Variants in SCIN observed in about 807,000 individuals in gnomAD.
The protein encoded by SCIN is scinderin, also known as adseverin.
SCIN carries 91 observed loss-of-function variants against 91.8 expected under a neutral mutation model. The observed-to-expected ratio is 0.99, with a 90% CI of 0.84 to 1.18. The LOEUF is 1.18. Among genes scored for constraint, SCIN ranks in the 50% most tolerant of loss-of-function variants. The pLI is 0.00. For missense variants in SCIN, 1,087 were observed against 863.9 expected, an observed-to-expected ratio of 1.26 and a Z score of -3.24; for synonymous variants, 367 against 312.6, an observed-to-expected ratio of 1.17 and a Z score of -1.84.
chr7:12,581,295 A>G, intron 3 of SCIN, 74 bp downstream of exon 3: 2 of 1,410,328 alleles, frequency 1.4e-6, no homozygotes. Flanking sequence ...TGTACATGTC[A>G]TTGAAAAGAA....
chr7:12,603,028 G>T (rs1054218016), intron 3 of SCIN, among the ~76,000 whole-genome samples: 24 of 152,196 alleles, frequency 1.6e-4, no homozygotes, highest in African/African-American at 5.6e-4. Flanking sequence ...GCTCCAGCCA[G>T]TCCCTCCGTT....
chr7:12,633,538 A>G (rs539470627), intron 9 of SCIN, among the ~76,000 whole-genome samples: 9 of 152,188 alleles, frequency 5.9e-5, no homozygotes, highest in African/African-American at 1.9e-4. Context: ...GTAGAGAAGT[A>G]TTTGTTCAGG....
At chr7:12,597,788 C>T (rs1175936584) in intron 3 of SCIN, among the ~76,000 whole-genome samples, 2 of 152,162 alleles carry the variant, frequency 1.3e-5, no homozygotes, top group Non-Finnish European at 2.9e-5. Context: ...TCTTCCTTTT[C>T]CAATTGTGCA....
At chr7:12,585,984 C>G (rs776621878) in intron 3 of SCIN, among the ~76,000 whole-genome samples, 1 of 152,194 alleles carries the variant, frequency 6.6e-6, no homozygotes, top group African/African-American at 2.4e-5. Context: ...GTCCAGTGTC[C>G]CAGCCCTTTA....
chr7:12,639,382 C>T (rs775347389), intron 10 of SCIN, among the ~76,000 whole-genome samples: 9 of 152,184 alleles, frequency 5.9e-5, no homozygotes, highest in Non-Finnish European at 8.8e-5. Context: ...CAATGCCTTT[C>T]GGCCTCCCTA....
intron 9 of SCIN, among the ~76,000 whole-genome samples, chr7:12,635,354 G>A (rs1233342583): frequency 6.7e-6 from 1 of 149,924 alleles, no homozygotes; most frequent in East Asian, 2.0e-4. Flanking sequence ...GCTCATGCCT[G>A]TAATCCTAGC....
chr7:12,604,099 G>A (rs849777), intron 3 of SCIN, among the ~76,000 whole-genome samples: 142,940 of 152,152 alleles, frequency 0.94, 67,212 homozygotes, highest in East Asian at 1. Context: ...ATAAATACAT[G>A]CAACATGTAT....
chr7:12,619,202 C>G (rs1411675124), intron 4 of SCIN, among the ~76,000 whole-genome samples: 4 of 152,024 alleles, frequency 2.6e-5, no homozygotes, highest in Non-Finnish European at 5.9e-5. Flanking sequence ...TATTGTGCTT[C>G]TTCAAGGTCA....
chr7:12,645,206 C>G (rs561805781), intron 13 of SCIN, among the ~76,000 whole-genome samples: 104 of 150,324 alleles, frequency 6.9e-4, no homozygotes, highest in Non-Finnish European at 1.1e-3. Context: ...GTAGTCCCAG[C>G]TACTTGGGAG....
At chr7:12,587,634 C>T (rs150001402) in intron 3 of SCIN, among the ~76,000 whole-genome samples, 32 of 152,292 alleles carry the variant, frequency 2.1e-4, no homozygotes, top group East Asian at 1.9e-3. Flanking sequence ...TTGTGGGACA[C>T]GGTATCCTCA....
At chr7:12,624,974 C>T in intron 5 of SCIN, 36 bp from the exon 6 acceptor site, 1 of 1,543,448 alleles carries the variant, frequency 6.5e-7, no homozygotes, top group Non-Finnish European at 8.7e-7. Flanking sequence ...TTATCATCCC[C>T]AAATGAAAAC....
chr7:12,642,075 T>C (rs1303672127), intron 11 of SCIN, among the ~76,000 whole-genome samples: 1 of 151,410 alleles, frequency 6.6e-6, no homozygotes, highest in Admixed American at 6.6e-5. Context: ...CTATATGTAT[T>C]ATATATATAC....
At chr7:12,652,522 C>G in intron 15 of SCIN, 66 bp from the exon 16 acceptor site, 1 of 1,412,792 alleles carries the variant, frequency 7.1e-7, no homozygotes, top group Non-Finnish European at 9.7e-7. Context: ...GAAGAATTTT[C>G]AATCTGCAGT....
Position 12,652,702 on chromosome 7 carries a change from C to A in SCIN, c.2135C>A (p.Ser712Tyr), listed in dbSNP as rs760618638. ...ACAGGCTGGTTCCTGGGCTGGGATT[C>A]CAGCAAGTGGTAAATTGGTATTTGT... ...TFTGWFLGWD[S>Y]SKW The change falls in exon 16 of 16, where the codon TCC becomes TAC. Residue 712 changes from serine to tyrosine, a missense_variant. Ser to Tyr is a moderately radical substitution (Grantham distance 144, BLOSUM62 -2). Transcript: ENST00000297029. The A allele has an allele frequency of 6.9e-6, 11 of 1,603,650 alleles. No individual in the cohort carries two copies. In the South Asian group the frequency reaches 9.0e-5, roughly 13 times the overall value.
chr7:12,656,077 A>G lies in SCIN; in HGVS notation c.*3362A>G, dbSNP rs542752392. ...CCTCAGTGTTCTCTTCTCGTCTTAGATAGCTCATCAAATAATATTTCCCAC... is the reference window on the plus strand; with the variant it reads ...CCTCAGTGTTCTCTTCTCGTCTTAGGTAGCTCATCAAATAATATTTCCCAC... On this transcript the variant is annotated 3_prime_UTR_variant, in exon 16 of 16. Transcript: ENST00000297029. 3 of 152,318 alleles carry G rather than the reference A, an allele frequency of 2.0e-5. No homozygotes were observed. Among genetic ancestry groups the G allele is most frequent in the Non-Finnish European group, 4.4e-5 (3 of 68,030 alleles). The allele number at this position is 152,318 out of a possible 1,614,324, so 9.4% of individuals were successfully genotyped here. A position where few individuals can be genotyped will look rare whatever the true frequency, so the allele number is the denominator to read the frequency against.
At chr7:12,587,089 G>A (rs984265322) in intron 3 of SCIN, among the ~76,000 whole-genome samples, 9 of 152,134 alleles carry the variant, frequency 5.9e-5, no homozygotes, top group African/African-American at 2.2e-4. Flanking sequence ...GATTTCGAGT[G>A]TTCCCAGTAC....
intron 13 of SCIN, among the ~76,000 whole-genome samples, chr7:12,646,064 G>C (rs940694145): frequency 7.9e-5 from 12 of 152,082 alleles, no homozygotes; most frequent in Non-Finnish European, 1.8e-4. Context: ...TGATCATTGG[G>C]CAAAAATCAC....
At position 12,660,065 on chromosome 7, in the gene SCIN, C is replaced by G. The variant is rs185577416; in HGVS notation, c.*7350C>G. 187 of 152,396 alleles carry G rather than the reference C, an allele frequency of 1.2e-3. 1 individual carries two copies. Among genetic ancestry groups the G allele is most frequent in the Middle Eastern group, 3.4e-3 (1 of 294 alleles). The allele number at this position is 152,396 out of a possible 1,614,324, so 9.4% of individuals were successfully genotyped here. On this transcript the variant is annotated 3_prime_UTR_variant, in exon 16 of 16. Transcript: ENST00000297029. Reference sequence around the variant, plus strand: ...CAGCAAAACATTGCTCCTGACTCCACCGCCTATCCCAAAACCTATAAGAAC... The same window carrying G: ...CAGCAAAACATTGCTCCTGACTCCAGCGCCTATCCCAAAACCTATAAGAAC...
At chr7:12,646,382 G>C (rs114138970) in intron 13 of SCIN, among the ~76,000 whole-genome samples, 2 of 152,186 alleles carry the variant, frequency 1.3e-5, no homozygotes, top group South Asian at 4.1e-4. Flanking sequence ...AGCTCTAGTC[G>C]TGTTCTTTCC....
Sources: allele counts gnomAD v4.1 joint callset (sites outside exome capture counted in the v4.1 genomes callset), GRCh38; gene constraint gnomAD v4.1.1; transcripts MANE v1.5; gene names NCBI Gene and HGNC (gene_info 2026-07-23, HGNC 2026-07-21).